Variants in XRCC4 observed in about 807,000 individuals in gnomAD.
XRCC4 encodes the protein DNA repair protein XRCC4.
XRCC4 carries 28 observed loss-of-function variants against 39.1 expected under a neutral mutation model. The observed-to-expected ratio is 0.72, with a 90% CI of 0.53 to 0.98. The LOEUF (loss-of-function observed/expected upper bound fraction) is 0.98. Ranked by LOEUF, XRCC4 falls within the 50% of genes least tolerant of loss-of-function variation. XRCC4 has a pLI of 0.00. For missense variants in XRCC4, 350 were observed against 376.4 expected (o/e 0.93, Z 0.58); for synonymous variants, 123 against 126.4 (o/e 0.97, Z 0.18).
chr5:83,127,273 AT>A (rs539509084), intron 3 of XRCC4, among the ~76,000 whole-genome samples: 62 of 152,172 alleles, frequency 4.1e-4, no homozygotes, highest in African/African-American at 1.2e-3. Flanking sequence ...TGGTTTGGCT[AT>A]TTCCCCACCC....
chr5:83,119,848 A>G (rs1746913350), intron 3 of XRCC4, among the ~76,000 whole-genome samples: 1 of 152,018 alleles, frequency 6.6e-6, no homozygotes, highest in South Asian at 2.1e-4. Flanking sequence ...ATGGTGGGAC[A>G]TGCCTGTAGT....
At chr5:83,343,474 A>G (rs1561484503) in intron 7 of XRCC4, among the ~76,000 whole-genome samples, 2 of 152,104 alleles carry the variant, frequency 1.3e-5, no homozygotes, top group Non-Finnish European at 2.9e-5. Context: ...TCAACTCCAG[A>G]TAATTTATAG....
intron 7 of XRCC4, among the ~76,000 whole-genome samples, chr5:83,265,347 A>G (rs80335663): frequency 0.016 from 2,438 of 152,240 alleles, 63 homozygotes; most frequent in African/African-American, 0.055. Context: ...CTTTAATTTT[A>G]TCATAATGTT....
At chr5:83,228,299 A>C (rs1259436600) in intron 6 of XRCC4, among the ~76,000 whole-genome samples, 2 of 151,992 alleles carry the variant, frequency 1.3e-5, no homozygotes, top group Non-Finnish European at 1.5e-5. Context: ...CTTTGATTTC[A>C]AATCGAATTT....
intron 3 of XRCC4, among the ~76,000 whole-genome samples, chr5:83,192,187 T>C (rs1194778291): frequency 5.4e-5 from 8 of 149,134 alleles, no homozygotes; most frequent in African/African-American, 1.7e-4. Context: ...TACATACATA[T>C]ATATGTATGT....
intron 6 of XRCC4, among the ~76,000 whole-genome samples, chr5:83,208,830 G>A (rs1751520493): frequency 6.6e-6 from 1 of 152,186 alleles, no homozygotes; most frequent in South Asian, 2.1e-4. Context: ...AGAATTTCCA[G>A]ATAGATAGTG....
intron 7 of XRCC4, among the ~76,000 whole-genome samples, chr5:83,290,045 A>T (rs1326003492): frequency 6.6e-6 from 1 of 151,606 alleles, no homozygotes; most frequent in Non-Finnish European, 1.5e-5. Flanking sequence ...TTCCCCTTTG[A>T]GTGTTCCTAT....
At chr5:83,296,393 TAGGACATAC>T (rs1755095256) in intron 7 of XRCC4, among the ~76,000 whole-genome samples, 1 of 152,138 alleles carries the variant, frequency 6.6e-6, no homozygotes, top group African/African-American at 2.4e-5. Context: ...CAGTCTTGCA[TAGGACATAC>T]AAATGAACAA....
chr5:83,161,019 T>C (rs1413594217), intron 3 of XRCC4, among the ~76,000 whole-genome samples: 1 of 152,074 alleles, frequency 6.6e-6, no homozygotes, highest in East Asian at 1.9e-4. Flanking sequence ...CCCTATGAGG[T>C]AGATGTTGTC....
chr5:83,292,178 C>G (rs937805430), intron 7 of XRCC4, among the ~76,000 whole-genome samples: 1 of 151,742 alleles, frequency 6.6e-6, no homozygotes, highest in African/African-American at 2.4e-5. Context: ...GTTCCCTTGT[C>G]ATATGCTTTT....
intron 1 of XRCC4, among the ~76,000 whole-genome samples, chr5:83,092,086 AT>A: frequency 6.6e-6 from 1 of 152,162 alleles, no homozygotes; most frequent in East Asian, 1.9e-4. Context: ...TGTGATTTTA[AT>A]TTCTATCTCC....
At chr5:83,285,285 A>G (rs898757174) in intron 7 of XRCC4, among the ~76,000 whole-genome samples, 2 of 152,124 alleles carry the variant, frequency 1.3e-5, no homozygotes, top group African/African-American at 4.8e-5. Flanking sequence ...TCTCTGGGGT[A>G]TGTGGGGCTG....
chr5:83,105,162 T>G, intron 2 of XRCC4, 104 bp downstream of exon 2: 1 of 1,119,254 alleles, frequency 8.9e-7, no homozygotes, highest in African/African-American at 1.6e-5. Flanking sequence ...GATATTAATT[T>G]TACTTGCTAT....
At chr5:83,314,186 T>A (rs1755803433) in intron 7 of XRCC4, among the ~76,000 whole-genome samples, 1 of 152,132 alleles carries the variant, frequency 6.6e-6, no homozygotes, top group South Asian at 2.1e-4. Context: ...AGGCACTAAT[T>A]TAAAAAAATT....
chr5:83,185,581 G>A (rs1750402907), intron 3 of XRCC4, among the ~76,000 whole-genome samples: 1 of 151,762 alleles, frequency 6.6e-6, no homozygotes, highest in South Asian at 2.1e-4. Flanking sequence ...AAAACTAGAT[G>A]ATGAATGTTT....
intron 7 of XRCC4, among the ~76,000 whole-genome samples, chr5:83,278,820 T>C (rs1754427568): frequency 6.6e-6 from 1 of 151,624 alleles, no homozygotes; most frequent in East Asian, 1.9e-4. Flanking sequence ...ACCCTGTCTC[T>C]ACTAAAATAC....
chr5:83,234,217 A>G (rs1752604794), intron 6 of XRCC4, among the ~76,000 whole-genome samples: 1 of 152,122 alleles, frequency 6.6e-6, no homozygotes. Flanking sequence ...TGAATGTGTA[A>G]TGCTGTCTGA....
intron 7 of XRCC4, among the ~76,000 whole-genome samples, chr5:83,332,794 G>C (rs989661448): frequency 3.3e-5 from 5 of 152,094 alleles, no homozygotes; most frequent in Non-Finnish European, 7.4e-5. Flanking sequence ...GCCTTCGAGG[G>C]TAAATAGAAT....
At chr5:83,080,027 A>C (rs939039373) in intron 1 of XRCC4, among the ~76,000 whole-genome samples, 1 of 152,218 alleles carries the variant, frequency 6.6e-6, no homozygotes, top group Non-Finnish European at 1.5e-5. Flanking sequence ...AATGTTTGGC[A>C]TACAGTAAGC....
Sources: allele counts gnomAD v4.1 joint callset (sites outside exome capture counted in the v4.1 genomes callset), GRCh38; gene constraint gnomAD v4.1.1; transcripts MANE v1.5; gene names NCBI Gene and HGNC (gene_info 2026-07-23, HGNC 2026-07-21).